CPEB1: variants seen among roughly 807,000 people sequenced by gnomAD.
CPEB1 encodes cytoplasmic polyadenylation element-binding protein 1.
In CPEB1, 7 loss-of-function variants were observed where a neutral mutation model predicts 65.8. The observed-to-expected ratio is 0.11, with a 90% CI of 0.06 to 0.20. CPEB1 has a LOEUF of 0.20. Ranked by LOEUF, CPEB1 falls within the 10% of genes least tolerant of loss-of-function variation. The pLI is 1.00. For missense variants in CPEB1, 551 were observed against 712.2 expected (o/e 0.77, Z 2.58); for synonymous variants, 262 against 260.0 (o/e 1.01, Z -0.08).
At chr15:82,587,373 C>A (rs1195779574) in intron 3 of CPEB1, among the ~76,000 whole-genome samples, 3 of 152,152 alleles carry the variant, frequency 2.0e-5, no homozygotes, top group African/African-American at 7.2e-5. Flanking sequence ...GATTTACCTA[C>A]AAAGATGCCT....
chr15:82,628,943 T>TC (rs2046005803), intron 1 of CPEB1: 1 of 158,412 alleles, frequency 6.3e-6, no homozygotes, highest in African/African-American at 2.4e-5. Context: ...CGGTAAGGCT[T>TC]CCGGTCAACA....
chr15:82,585,835 G>C (rs2151121108), intron 3 of CPEB1, among the ~76,000 whole-genome samples: 1 of 152,204 alleles, frequency 6.6e-6, no homozygotes, highest in Admixed American at 6.5e-5. Context: ...CTATGCATTT[G>C]TGAACACTGT....
chr15:82,557,671 G>T, intron 5 of CPEB1, 89 bp downstream of exon 5: 1 of 1,085,872 alleles, frequency 9.2e-7, no homozygotes, highest in Non-Finnish European at 1.4e-6. Flanking sequence ...CCAGGGGACA[G>T]GCATCCCATA....
rs149273224 is a variant in CPEB1, at chr15:82,607,674, T to C, written c.271+19519A>G. ...CTGCAAATAATAACCAAATGAGAGG[T>C]AGAATAACTGTGCCTATTACCAGAC... On this transcript the variant is annotated intron_variant, in intron 3 of 12. Coordinates refer to ENST00000684509, the MANE Select transcript of CPEB1 (RefSeq NM_001365242.1). 1.7e-4 allele frequency among the ~76,000 whole-genome samples: 26 copies of C among 151,982 alleles called. No homozygotes were observed. In the East Asian group the frequency reaches 5.0e-3, roughly 29 times the overall value.
intron 3 of CPEB1, among the ~76,000 whole-genome samples, chr15:82,576,741 G>T (rs2040692609): frequency 6.6e-6 from 1 of 152,174 alleles, no homozygotes; most frequent in Non-Finnish European, 1.5e-5. Flanking sequence ...ACTGACTCCA[G>T]GCTGGGTGTG....
chr15:82,614,875 G>A (rs555832876), intron 3 of CPEB1, among the ~76,000 whole-genome samples: 50 of 123,282 alleles, frequency 4.1e-4, no homozygotes, highest in African/African-American at 1.4e-3. Context: ...GTGTGTGTGT[G>A]TGTGTATATA....
intron 3 of CPEB1, among the ~76,000 whole-genome samples, chr15:82,622,113 TCA>T (rs10563446): frequency 0.012 from 1,876 of 152,240 alleles, 36 homozygotes; most frequent in African/African-American, 0.043. Context: ...TCTCCATTCC[TCA>T]CAGATTCCAA....
chr15:82,598,599 A>C (rs2042855927), intron 3 of CPEB1, among the ~76,000 whole-genome samples: 2 of 152,096 alleles, frequency 1.3e-5, no homozygotes, highest in African/African-American at 4.8e-5. Context: ...AGCCTGACCA[A>C]CATGGTGAAA....
At chr15:82,549,713 T>A (rs898880524) in intron 9 of CPEB1, 55 bp from the exon 10 acceptor site, 2 of 1,538,766 alleles carry the variant, frequency 1.3e-6, no homozygotes, top group African/African-American at 1.4e-5. Context: ...GAGAGAGAGG[T>A]GCTTGCACGG....
chr15:82,546,894 A>C (rs531307030), intron 11 of CPEB1, among the ~76,000 whole-genome samples: 10 of 152,306 alleles, frequency 6.6e-5, no homozygotes, highest in African/African-American at 2.4e-4. Flanking sequence ...AATGCCAAAG[A>C]AATACCACAG....
At chr15:82,559,329 A>G (rs1023701165) in intron 4 of CPEB1, among the ~76,000 whole-genome samples, 1 of 152,206 alleles carries the variant, frequency 6.6e-6, no homozygotes, top group East Asian at 1.9e-4. Context: ...CCCCTTTTGG[A>G]TAAGACATGG....
chr15:82,622,538 C>T (rs549314874), intron 3 of CPEB1, among the ~76,000 whole-genome samples: 16 of 152,158 alleles, frequency 1.1e-4, no homozygotes, highest in African/African-American at 2.9e-4. Context: ...ACTACAGGCA[C>T]GCACCATCAT....
intron 3 of CPEB1, among the ~76,000 whole-genome samples, chr15:82,620,446 A>T (rs1309434025): frequency 6.6e-6 from 1 of 151,480 alleles, no homozygotes; most frequent in East Asian, 1.9e-4. Flanking sequence ...AAAAGTGTAC[A>T]TATCTGTGAT....
upstream of CPEB1, chr15:82,647,843 G>A: frequency 1.6e-6 from 2 of 1,277,840 alleles, no homozygotes; most frequent in East Asian, 3.2e-5. Flanking sequence ...GGCGAGCGGC[G>A]GGTGGCTCTT....
intron 10 of CPEB1, 75 bp from the exon 11 acceptor site, chr15:82,547,312 T>A: frequency 1.2e-6 from 1 of 865,028 alleles, no homozygotes; most frequent in Non-Finnish European, 1.8e-6. Flanking sequence ...TTTTTTTTTT[T>A]TTGAGATGGA....
Position 82,562,968 on chromosome 15 carries a change from TTC to T in CPEB1, c.461-4984_461-4983del, listed in dbSNP as rs1466866343. The stretch of plus-strand genomic sequence containing the variant: ...TATAGGACATTTACTTAAGAGTTCC[TTC>T]TCTCTGAAAACACTGGGTGGGAGTG... On this transcript the variant is annotated intron_variant, in intron 4 of 12. Transcript: ENST00000684509. Among the ~76,000 whole-genome samples the T allele has an allele frequency of 2.0e-5, 3 of 152,300 alleles. No individual in the cohort carries two copies. In the East Asian group the frequency reaches 5.8e-4, roughly 29 times the overall value.
In CPEB1 at chr15:82,546,462, A is replaced by C; in HGVS notation, c.1635T>G (p.Gly545=). Reference sequence around the variant, plus strand: ...CCACCTGATCTCGACAGAAGAAAGGACCAGGCTGAGAACTGCAGATATGAC... The same window carrying C: ...CCACCTGATCTCGACAGAAGAAAGGCCCAGGCTGAGAACTGCAGATATGAC... ...SLCHICSSQP[G]PFFCRDQVCF... is the part of the protein sequence containing the mutation. The change falls in exon 12 of 13, where the codon GGT becomes GGG. Residue 545 remains glycine (G), a synonymous_variant. Transcript: ENST00000684509. 2 of 1,614,016 alleles carry C rather than the reference A, an allele frequency of 1.2e-6. No homozygotes were observed. The highest frequency in any genetic ancestry group is 1.7e-6 in the Non-Finnish European group (2 of 1,179,876).
chr15:82,627,138 TAGAAGC>T, intron 3 of CPEB1, 49 bp downstream of exon 3: 1 of 1,410,504 alleles, frequency 7.1e-7, no homozygotes. Flanking sequence ...ATGCACTACT[TAGAAGC>T]AGATCTGTAC....
At chr15:82,580,807 A>G (rs2041212195) in intron 3 of CPEB1, among the ~76,000 whole-genome samples, 1 of 150,866 alleles carries the variant, frequency 6.6e-6, no homozygotes, top group African/African-American at 2.4e-5. Flanking sequence ...ACTTAGCATA[A>G]TGTCTTCAAG....
Sources: allele counts gnomAD v4.1 joint callset (sites outside exome capture counted in the v4.1 genomes callset), GRCh38; gene constraint gnomAD v4.1.1; transcripts MANE v1.5; gene names NCBI Gene and HGNC (gene_info 2026-07-23, HGNC 2026-07-21).